The following PDCD1LG2 variants were observed in gnomAD, a reference collection of about 807,000 sequenced individuals.
The protein encoded by PDCD1LG2 is programmed cell death 1 ligand 2, also known as B7 dendritic cell molecule.
A neutral mutation model predicts 28.2 loss-of-function variants in PDCD1LG2; 32 were observed. The observed-to-expected ratio is 1.13, with a 90% CI of 0.86 to 1.52. PDCD1LG2 has a LOEUF of 1.52. PDCD1LG2 is among the 40% of genes most tolerant of loss of function. PDCD1LG2 has a pLI of 0.00. For synonymous variants in PDCD1LG2, 116 were observed against 120.2 expected, an observed-to-expected ratio of 0.97 and a Z score of 0.23; for missense variants, 385 against 323.8, an observed-to-expected ratio of 1.19 and a Z score of -1.45.
At position 5,518,606 on chromosome 9, in the gene PDCD1LG2, CT is replaced by C. The variant is rs767381393; in HGVS notation, c.-14-3925del. Among the ~76,000 whole-genome samples the C allele has an allele frequency of 9.5e-4, 144 of 152,350 alleles. 1 individual carries two copies. The highest frequency in any genetic ancestry group is 5.3e-4 in the Non-Finnish European group (36 of 68,028). ...CATGAGCATTTCCCTGTGGAAAGCA[CT>C]TAATTCTGTTCCCAGTTGTTACCTG... On this transcript the variant is annotated intron_variant, in intron 1 of 6. Coordinates refer to ENST00000397747, the MANE Select transcript of PDCD1LG2 (RefSeq NM_025239.4).
intron 2 of PDCD1LG2, among the ~76,000 whole-genome samples, chr9:5,531,178 A>C (rs1177066348): frequency 1.3e-5 from 2 of 152,208 alleles, no homozygotes; most frequent in Non-Finnish European, 1.5e-5. Context: ...GTTAGCCAAG[A>C]TTGAGGCCCT....
chr9:5,524,800 AAATAT>A (rs1408151502), intron 2 of PDCD1LG2, among the ~76,000 whole-genome samples: 1 of 152,152 alleles, frequency 6.6e-6, no homozygotes, highest in African/African-American at 2.4e-5. Context: ...TTGTATAATA[AAATAT>A]AATTTTAAAA....
intron 1 of PDCD1LG2, among the ~76,000 whole-genome samples, chr9:5,521,347 C>G (rs1820270359): frequency 6.6e-6 from 1 of 152,082 alleles, no homozygotes; most frequent in African/African-American, 2.4e-5. Context: ...GAGTCGTGCA[C>G]TTAAAAAAAG....
chr9:5,556,609 C>T (rs1816447441), intron 4 of PDCD1LG2, among the ~76,000 whole-genome samples: 1 of 152,160 alleles, frequency 6.6e-6, no homozygotes. Context: ...ATCCGTGGTT[C>T]TCAGATAGCA....
At chr9:5,549,258 T>C (rs2129872177) in intron 3 of PDCD1LG2, 77 bp from the exon 4 acceptor site, 1 of 1,358,480 alleles carries the variant, frequency 7.4e-7, no homozygotes, top group East Asian at 2.3e-5. Flanking sequence ...TTTTATTCAT[T>C]TCACATGGCA....
intron 2 of PDCD1LG2, 51 bp from the exon 3 acceptor site, chr9:5,534,694 G>A (rs1820545997): frequency 1.3e-6 from 2 of 1,511,372 alleles, no homozygotes; most frequent in Non-Finnish European, 1.8e-6. Context: ...CGTAAGAACT[G>A]GAATGTAAAG....
intron 4 of PDCD1LG2, among the ~76,000 whole-genome samples, chr9:5,555,493 T>C (rs1377344942): frequency 6.6e-6 from 1 of 152,098 alleles, no homozygotes; most frequent in Non-Finnish European, 1.5e-5. Context: ...CTTAGAGGAA[T>C]ATGTATGAGG....
intron 4 of PDCD1LG2, among the ~76,000 whole-genome samples, chr9:5,551,201 T>G (rs546098988): frequency 6.6e-6 from 1 of 152,330 alleles, no homozygotes; most frequent in East Asian, 1.9e-4. Context: ...TAATTTTATT[T>G]ATCCTACTGA....
At chr9:5,547,686 C>G (rs1816239943) in intron 3 of PDCD1LG2, among the ~76,000 whole-genome samples, 1 of 151,998 alleles carries the variant, frequency 6.6e-6, no homozygotes, top group African/African-American at 2.4e-5. Flanking sequence ...CCTGTAATCC[C>G]AGCACTTTGG....
chr9:5,548,044 G>T (rs963167363), intron 3 of PDCD1LG2, among the ~76,000 whole-genome samples: 29 of 150,520 alleles, frequency 1.9e-4, no homozygotes, highest in Non-Finnish European at 5.9e-5. Context: ...TCAAAACAGA[G>T]AATGTAAAAA....
rs1816739553 is a variant in PDCD1LG2, at chr9:5,569,920, A to G, written c.817-34A>G. 1.2e-6 allele frequency: 2 copies of G among 1,611,366 alleles called. No individual in the cohort carries two copies. The highest frequency in any genetic ancestry group is 1.7e-6 in the Non-Finnish European group (2 of 1,178,216). Reference sequence around the variant, plus strand: ...GTTATATATTTTCTAATCATAAAAAATGATTTTTCTTATTTGTGGGCTTTT... The same window carrying G: ...GTTATATATTTTCTAATCATAAAAAGTGATTTTTCTTATTTGTGGGCTTTT... On this transcript the variant is annotated intron_variant, in intron 6 of 6. Transcript: ENST00000397747. This position sits in a 1 kb window ranked among gnomAD's most constrained non-coding sequence, Gnocchi z 4.1.
chr9:5,539,340 C>T (rs181747768), intron 3 of PDCD1LG2, among the ~76,000 whole-genome samples: 2 of 152,216 alleles, frequency 1.3e-5, no homozygotes, highest in Admixed American at 1.3e-4. Flanking sequence ...ATCTGAGGCC[C>T]CAATGAGGGT....
rs141602992 is a variant in PDCD1LG2 at position 5,549,507 on chromosome 9, T to C, written c.534T>C (p.Ser178=). 6.2e-6 allele frequency: 10 copies of C among 1,614,034 alleles called. No individual in the cohort carries two copies. In the East Asian group the frequency reaches 2.0e-4, roughly 32 times the overall value. Residue 178 remains serine (S), a synonymous_variant, in exon 4 of 7, where the codon AGT becomes AGC. Transcript: ENST00000397747. ...CTGAAGGCCTCTACCAGGTCACCAGTGTTCTGCGCCTAAAGCCACCCCCTG... is the reference window on the plus strand; with the variant it reads ...CTGAAGGCCTCTACCAGGTCACCAGCGTTCTGCGCCTAAAGCCACCCCCTG... ...RTPEGLYQVT[S]VLRLKPPPGR...
At chr9:5,532,713 T>C (rs918721850) in intron 2 of PDCD1LG2, among the ~76,000 whole-genome samples, 3 of 152,200 alleles carry the variant, frequency 2.0e-5, no homozygotes, top group African/African-American at 7.2e-5. Flanking sequence ...GATCAGAGAA[T>C]GGACTGTCCT....
At chr9:5,568,350 G>T (rs942413744) in intron 6 of PDCD1LG2, among the ~76,000 whole-genome samples, 2 of 152,222 alleles carry the variant, frequency 1.3e-5, no homozygotes, top group Non-Finnish European at 2.9e-5. Flanking sequence ...CCTCCTGTGA[G>T]ATCAGCAGCA....
intron 1 of PDCD1LG2, among the ~76,000 whole-genome samples, chr9:5,514,113 G>A (rs1456518611): frequency 6.6e-6 from 1 of 152,176 alleles, no homozygotes; most frequent in Non-Finnish European, 1.5e-5. Flanking sequence ...CTTTAGGCTG[G>A]TTATTGTTAC....
At chr9:5,548,788 T>G (rs1263981291) in intron 3 of PDCD1LG2, among the ~76,000 whole-genome samples, 3 of 152,228 alleles carry the variant, frequency 2.0e-5, no homozygotes, top group Non-Finnish European at 4.4e-5. Flanking sequence ...TTTATTTTTT[T>G]TCTCTTCTTA....
intron 4 of PDCD1LG2, among the ~76,000 whole-genome samples, chr9:5,555,160 A>C (rs7871511): frequency 0.22 from 33,322 of 152,156 alleles, 3,994 homozygotes; most frequent in African/African-American, 0.31. Flanking sequence ...CATGCCTGTA[A>C]TCCTAGCACT....
intron 2 of PDCD1LG2, among the ~76,000 whole-genome samples, chr9:5,532,997 T>A (rs1820511109): frequency 6.6e-6 from 1 of 152,132 alleles, no homozygotes; most frequent in East Asian, 1.9e-4. Flanking sequence ...TAATCCTGAG[T>A]CAGCATTTGA....
Sources: allele counts gnomAD v4.1 joint callset (sites outside exome capture counted in the v4.1 genomes callset), GRCh38; gene constraint gnomAD v4.1.1; non-coding constraint Gnocchi (gnomAD v3.1); transcripts MANE v1.5; gene names NCBI Gene and HGNC (gene_info 2026-07-23, HGNC 2026-07-21).